VAC14: variants seen among roughly 807,000 people sequenced by gnomAD.
VAC14 encodes VAC14 component of PIKFYVE complex, also known as protein VAC14 homolog.
A neutral mutation model predicts 85.3 loss-of-function variants in VAC14; 47 were observed. That is an observed-to-expected ratio of 0.55 (90% CI 0.44 to 0.70). The LOEUF is 0.70. VAC14 is among the 30% of genes least tolerant of loss of function. The pLI, the probability that VAC14 is intolerant of heterozygous loss-of-function variation, is 0.00. For synonymous variants in VAC14, 447 were observed against 430.5 expected (o/e 1.04, Z -0.47); for missense variants, 861 against 1,004.3 (o/e 0.86, Z 1.93).
At chr16:70,750,393 C>T (rs922683451) in intron 12 of VAC14, among the ~76,000 whole-genome samples, 2 of 151,134 alleles carry the variant, frequency 1.3e-5, no homozygotes, top group African/African-American at 4.9e-5. Context: ...GGAGGAAGGA[C>T]AAGAAAGCAA....
intron 9 of VAC14, among the ~76,000 whole-genome samples, chr16:70,778,026 A>G (rs746363643): frequency 1.3e-5 from 2 of 152,188 alleles, no homozygotes; most frequent in Non-Finnish European, 2.9e-5. Flanking sequence ...AAAGGCGCCA[A>G]ATTAGCTCTT....
At chr16:70,772,970 G>C (rs1022072516) in intron 9 of VAC14, 1 of 152,206 alleles carries the variant, frequency 6.6e-6, no homozygotes, top group African/African-American at 2.4e-5. Context: ...AAAGAAGCCA[G>C]TCATAAAAGA....
chr16:70,777,687 G>C (rs564926545), intron 9 of VAC14, among the ~76,000 whole-genome samples: 1 of 152,346 alleles, frequency 6.6e-6, no homozygotes, highest in South Asian at 2.1e-4. Context: ...AGAGGAGGAG[G>C]GAGAAGATGC....
rs531929868 is a variant in VAC14, at chr16:70,762,995, G to A, written c.1191C>T (p.Leu397=). 17 of 1,614,184 alleles carry A rather than the reference G, an allele frequency of 1.1e-5. No homozygotes were observed. The highest frequency in any genetic ancestry group is 1.7e-5 in the Admixed American group (1 of 60,024). ...AGTTTAGGACCTGCACGATCCCGTC[G>A]AGGTGAAGGGTCACTGGGGCTCTTT... The part of the protein sequence containing the change: ...STERAPVTLH[L]DGIVQVLNCH... Residue 397 remains leucine (L), a synonymous_variant, in exon 11 of 19, where the codon CTC becomes CTT. Transcript: ENST00000261776. This position sits in a 1 kb window ranked among gnomAD's most constrained non-coding sequence, Gnocchi z 4.1.
Position 70,697,558 on chromosome 16 carries a change from T to TC in VAC14, c.1837-302dup, listed in dbSNP as rs541836673. Among the ~76,000 whole-genome samples the TC allele has an allele frequency of 3.5e-3, 528 of 151,880 alleles. 1 individual carries two copies. Among genetic ancestry groups the TC allele is most frequent in the African/African-American group, 0.012 (511 of 41,408 alleles). ...GCCCTTGGCAAAATCACAGTAATTG[T>TC]CCCCCCTCCCCACCCCAAAGAACTC... On this transcript the variant is annotated intron_variant, in intron 15 of 18. Transcript: ENST00000261776.
In VAC14 at chr16:70,688,107, G is replaced by A. The variant is rs1457989409; in HGVS notation, c.2187-17C>T. 1 of 1,534,802 alleles carries A rather than the reference G, an allele frequency of 6.5e-7. No homozygotes were observed. The highest frequency in any genetic ancestry group is 1.4e-5 in the African/African-American group (1 of 72,204). On this transcript the variant is annotated splice_polypyrimidine_tract_variant and intron_variant, in intron 18 of 18. Coordinates refer to ENST00000261776, the MANE Select transcript of VAC14 (RefSeq NM_018052.5). Reference sequence around the variant, plus strand: ...AGACTGTCTCTGGGAAGAGGGAGCAGAAATGCTCAGTGTCAGGGATCAGCT... The same window carrying A: ...AGACTGTCTCTGGGAAGAGGGAGCAAAAATGCTCAGTGTCAGGGATCAGCT...
intron 14 of VAC14, among the ~76,000 whole-genome samples, chr16:70,706,067 T>A (rs1196037169): frequency 6.6e-6 from 1 of 152,166 alleles, no homozygotes; most frequent in Non-Finnish European, 1.5e-5. Flanking sequence ...CTGGTGGTGC[T>A]CATTTCCCAC....
chr16:70,689,245 G>C, intron 18 of VAC14: 2 of 985,396 alleles, frequency 2.0e-6, no homozygotes, highest in Non-Finnish European at 2.4e-6. Flanking sequence ...GACACGATGT[G>C]TAAGAGCTTC....
At chr16:70,696,904 T>C (rs2142991490) in intron 16 of VAC14, 2 of 459,566 alleles carry the variant, frequency 4.4e-6, no homozygotes, top group East Asian at 8.9e-5. Context: ...CCACAGGGTT[T>C]CTCCCGGGCC....
chr16:70,718,906 G>A (rs2142998149), intron 14 of VAC14, among the ~76,000 whole-genome samples: 1 of 152,308 alleles, frequency 6.6e-6, no homozygotes, highest in South Asian at 2.1e-4. Flanking sequence ...AACAAAGACT[G>A]CAGAGATCTT....
chr16:70,689,244 T>C (rs2053554862), intron 18 of VAC14: 10 of 985,230 alleles, frequency 1.0e-5, no homozygotes, highest in African/African-American at 1.7e-5. Flanking sequence ...TGACACGATG[T>C]GTAAGAGCTT....
chr16:70,739,931 C>G (rs912688298), intron 13 of VAC14, among the ~76,000 whole-genome samples: 4 of 152,144 alleles, frequency 2.6e-5, no homozygotes, highest in African/African-American at 9.7e-5. Context: ...GACCACTGAG[C>G]CCCGCAAGGT....
intron 18 of VAC14, chr16:70,688,725 C>T (rs2053544883): frequency 1.0e-6 from 1 of 985,570 alleles, no homozygotes. Flanking sequence ...ACAGGTTGTG[C>T]ACTGCACAGC....
intron 1 of VAC14, among the ~76,000 whole-genome samples, chr16:70,798,878 T>C (rs1446379832): frequency 2.0e-5 from 3 of 152,194 alleles, no homozygotes; most frequent in Non-Finnish European, 4.4e-5. Context: ...TGTCAAGTGC[T>C]GCCAGGCTAA....
rs895306015 is a variant in VAC14, at chr16:70,755,944, G to T, written c.1371+6596C>A. ...CCATTCCTCACAGCACAGCTCGGGG[G>T]TTTGGGGCTTCCCCCAGGTGGGACC... is the stretch of plus-strand genomic sequence containing the variant. On this transcript the variant is annotated intron_variant, in intron 12 of 18. Coordinates refer to ENST00000261776, the MANE Select transcript of VAC14 (RefSeq NM_018052.5). 1.5e-5 allele frequency: 7 copies of T among 453,268 alleles called. No individual in the cohort carries two copies. The Admixed American group carries it at 1.6e-4, about 11-fold the overall frequency. 28.1% of individuals were successfully genotyped at this position (453,268 alleles called of 1,614,324 possible).
intron 14 of VAC14, among the ~76,000 whole-genome samples, chr16:70,723,014 G>A (rs1232199531): frequency 6.6e-6 from 1 of 152,072 alleles, no homozygotes; most frequent in South Asian, 2.1e-4. Context: ...TCAGGAGTTT[G>A]AGACCAACCT....
chr16:70,732,397 C>T (rs2054617732), intron 13 of VAC14, among the ~76,000 whole-genome samples: 1 of 152,182 alleles, frequency 6.6e-6, no homozygotes, highest in African/African-American at 2.4e-5. Flanking sequence ...AGAAAACACA[C>T]CGAGGTACAG....
At chr16:70,730,942 G>A (rs530185520) in intron 14 of VAC14, among the ~76,000 whole-genome samples, 1 of 152,342 alleles carries the variant, frequency 6.6e-6, no homozygotes, top group African/African-American at 2.4e-5. Flanking sequence ...GGTTGAGGGT[G>A]ACACTGGGCC....
At chr16:70,795,452 C>T (rs2034504078) in intron 1 of VAC14, among the ~76,000 whole-genome samples, 1 of 144,940 alleles carries the variant, frequency 6.9e-6, no homozygotes, top group East Asian at 2.1e-4. Flanking sequence ...CATGAGATCA[C>T]ACCACTGGAC....
Sources: gnomAD v4.1 joint callset for allele counts (sites outside exome capture counted in the v4.1 genomes callset) on GRCh38, gnomAD v4.1.1 for gene constraint, Gnocchi (gnomAD v3.1) non-coding constraint, MANE v1.5 for transcripts, NCBI Gene and HGNC (gene_info 2026-07-23, HGNC 2026-07-21) for gene names.